Variants in XKR9 observed in about 807,000 individuals in gnomAD.
XKR9 encodes the protein XK-related protein 9.
Under a neutral mutation model 32.0 loss-of-function variants are expected in XKR9, and 32 were observed. The observed-to-expected ratio is 1.00, with a 90% confidence interval of 0.76 to 1.34. The LOEUF (loss-of-function observed/expected upper bound fraction) is 1.34. Ranked by LOEUF, XKR9 falls within the 40% of genes most tolerant of loss-of-function variation. XKR9 has a pLI of 0.00. For missense variants in XKR9, 546 were observed against 429.7 expected (o/e 1.27, Z -2.39); for synonymous variants, 168 against 143.4 (o/e 1.17, Z -1.22).
chr8:70,724,464 G>A (rs1467604237), intron 4 of XKR9, among the ~76,000 whole-genome samples: 3 of 151,892 alleles, frequency 2.0e-5, no homozygotes, highest in Admixed American at 1.3e-4. Context: ...AGCTAGCTTG[G>A]TGTCTGCCCA....
chr8:70,846,501 A>C, the XKR9 span, among the ~76,000 whole-genome samples: 2 of 152,084 alleles, frequency 1.3e-5, no homozygotes, highest in Non-Finnish European at 2.9e-5. Flanking sequence ...AGAAAACTAC[A>C]AAATGGTAGG....
the XKR9 span, among the ~76,000 whole-genome samples, chr8:70,993,611 T>C: frequency 3.3e-5 from 2 of 61,170 alleles, no homozygotes; most frequent in African/African-American, 1.4e-4. Flanking sequence ...TCTTCCTTCC[T>C]TCCTTCCTTC....
the XKR9 span, among the ~76,000 whole-genome samples, chr8:70,956,794 T>A: frequency 2.9e-3 from 438 of 151,836 alleles, 2 homozygotes; most frequent in African/African-American, 1.0e-2. Context: ...CACCCCAGAG[T>A]GGGTGTCGGG....
At chr8:70,912,788 C>T in the XKR9 span, among the ~76,000 whole-genome samples, 1 of 151,824 alleles carries the variant, frequency 6.6e-6, no homozygotes, top group Non-Finnish European at 1.5e-5. Context: ...AAAAGAGAAA[C>T]CAAGAAGAAG....
the XKR9 span, among the ~76,000 whole-genome samples, chr8:70,949,538 C>A: frequency 6.6e-6 from 1 of 151,172 alleles, no homozygotes; most frequent in African/African-American, 2.4e-5. Flanking sequence ...AGCTAAATAC[C>A]AAAGGAACCT....
At chr8:70,802,621 G>A in the XKR9 span, among the ~76,000 whole-genome samples, 6 of 152,032 alleles carry the variant, frequency 3.9e-5, no homozygotes, top group South Asian at 2.1e-4. Context: ...TTTTCTTTCC[G>A]TATTTAGCAG....
the XKR9 span, among the ~76,000 whole-genome samples, chr8:70,935,724 A>G: frequency 1.3e-5 from 2 of 152,090 alleles, no homozygotes; most frequent in South Asian, 4.1e-4. Context: ...TCAGATTTGA[A>G]GCACCTTTTA....
chr8:71,028,122 G>A, the XKR9 span, among the ~76,000 whole-genome samples: 1 of 152,092 alleles, frequency 6.6e-6, no homozygotes, highest in Non-Finnish European at 1.5e-5. Context: ...ATTTTGATAA[G>A]GATTGCATTG....
At chr8:70,946,949 G>T in the XKR9 span, among the ~76,000 whole-genome samples, 5 of 152,144 alleles carry the variant, frequency 3.3e-5, no homozygotes, top group African/African-American at 9.7e-5. Context: ...CGAAAGAAGT[G>T]TATAATTGGA....
chr8:70,680,001 TA>T (rs575202768), intron 2 of XKR9, among the ~76,000 whole-genome samples: 12 of 147,386 alleles, frequency 8.1e-5, no homozygotes, highest in Admixed American at 2.0e-4. Flanking sequence ...AGGTCTGTTG[TA>T]AAAAAAAAAC....
intron 2 of XKR9, among the ~76,000 whole-genome samples, chr8:70,786,375 C>G (rs900409286): frequency 2.0e-5 from 3 of 152,032 alleles, no homozygotes; most frequent in Non-Finnish European, 4.4e-5. Flanking sequence ...AGTGGGGGTA[C>G]TGAAATCTTC....
the XKR9 span, among the ~76,000 whole-genome samples, chr8:70,807,324 A>AGG: frequency 6.6e-6 from 1 of 152,186 alleles, no homozygotes; most frequent in Non-Finnish European, 1.5e-5. Context: ...CAAAATATAA[A>AGG]GGCCAAGACA....
chr8:70,861,757 A>G, the XKR9 span, among the ~76,000 whole-genome samples: 27 of 152,176 alleles, frequency 1.8e-4, no homozygotes, highest in Admixed American at 7.2e-4. Context: ...TAAGCACTGT[A>G]TACATATTAG....
intron 2 of XKR9, among the ~76,000 whole-genome samples, chr8:70,786,737 A>G (rs1807693841): frequency 1.3e-5 from 2 of 151,950 alleles, no homozygotes; most frequent in Non-Finnish European, 2.9e-5. Context: ...GTGTCTTTTT[A>G]TGGGAGAATT....
At chr8:70,961,814 T>C in the XKR9 span, among the ~76,000 whole-genome samples, 4 of 152,196 alleles carry the variant, frequency 2.6e-5, no homozygotes, top group Non-Finnish European at 5.9e-5. Context: ...ATGTGTGTAG[T>C]ATGTTTTTGT....
At chr8:71,063,635 G>GA in the XKR9 span, among the ~76,000 whole-genome samples, 2 of 152,002 alleles carry the variant, frequency 1.3e-5, no homozygotes, top group Admixed American at 6.6e-5. Context: ...TTAACCTTTT[G>GA]AAAAATATTT....
At chr8:70,819,164 C>T in the XKR9 span, among the ~76,000 whole-genome samples, 3 of 152,188 alleles carry the variant, frequency 2.0e-5, no homozygotes, top group African/African-American at 4.8e-5. Context: ...TTGTTTAGCA[C>T]TGCATGGAAA....
chr8:70,870,850 C>T, the XKR9 span, among the ~76,000 whole-genome samples: 3 of 152,144 alleles, frequency 2.0e-5, no homozygotes, highest in African/African-American at 7.2e-5. Context: ...TTCTGTTACT[C>T]TTCTTTTCTA....
the XKR9 span, among the ~76,000 whole-genome samples, chr8:70,840,275 A>G: frequency 6.6e-6 from 1 of 152,176 alleles, no homozygotes; most frequent in African/African-American, 2.4e-5. Context: ...TGGTTGAGAT[A>G]TGGAAACTCA....
Sources: gnomAD v4.1 joint callset for allele counts (sites outside exome capture counted in the v4.1 genomes callset) on GRCh38, gnomAD v4.1.1 for gene constraint, MANE v1.5 for transcripts, NCBI Gene and HGNC (gene_info 2026-07-23, HGNC 2026-07-21) for gene names.